TMEM273: variants seen among roughly 807,000 people sequenced by gnomAD.
The protein encoded by TMEM273 is chromosome 10 open reading frame 128.
In TMEM273, 19 loss-of-function variants were observed where a neutral mutation model predicts 17.9. The ratio of observed to expected loss-of-function variants is 1.06; its 90% CI spans 0.74 to 1.55. The LOEUF is 1.55. Ranked by LOEUF, TMEM273 falls within the 40% of genes most tolerant of loss-of-function variation. TMEM273 has a pLI of 0.00. For synonymous variants in TMEM273, 66 were observed against 62.0 expected (o/e 1.07, Z -0.31); for missense variants, 194 against 155.6 (o/e 1.25, Z -1.31).
intron 5 of TMEM273, among the ~76,000 whole-genome samples, chr10:49,162,221 T>C (rs1845888411): frequency 1.3e-5 from 2 of 152,150 alleles, no homozygotes; most frequent in South Asian, 4.1e-4. Flanking sequence ...TGGGTCTGTG[T>C]TGTATTGCTC....
At position 49,165,840 on chromosome 10, in the gene TMEM273, A is replaced by G. The variant is rs1343703013; in HGVS notation, c.239-44T>C. On this transcript the variant is annotated intron_variant, in intron 3 of 6. Coordinates refer to ENST00000374153, the MANE Select transcript of TMEM273 (RefSeq NM_001288740.3). Reference sequence around the variant, plus strand: ...GCATTAGGAAGGGGGTCGTGTGACAAGAGGTGCAGAGCATTCCCTAGAGCT... The same window carrying G: ...GCATTAGGAAGGGGGTCGTGTGACAGGAGGTGCAGAGCATTCCCTAGAGCT... 1.9e-6 allele frequency: 3 copies of G among 1,611,844 alleles called. No individual in the cohort carries two copies. The African/African-American group carries it at 4.0e-5, about 22-fold the overall frequency.
rs74322768 is a variant in TMEM273 at position 49,165,908 on chromosome 10, G to C, written c.239-112C>G. On this transcript the variant is annotated intron_variant, in intron 3 of 6. Transcript: ENST00000374153. ...GGTCCTCTCACTCACGGTTGCCCTC[G>C]AGAGACCCGGGGCCTGGCTGCTATG... The C allele has an allele frequency of 8.6e-3, 11,845 of 1,383,984 alleles. 532 individuals are homozygous for C. The African/African-American group carries it at 0.12, about 14-fold the overall frequency. The allele number at this position is 1,383,984 out of a possible 1,614,324, so 85.7% of individuals were successfully genotyped here. A position where few individuals can be genotyped will look rare whatever the true frequency, so the allele number is the denominator to read the frequency against.
intron 1 of TMEM273, among the ~76,000 whole-genome samples, chr10:49,187,407 C>A (rs1426215636): frequency 6.6e-6 from 1 of 152,352 alleles, no homozygotes; most frequent in Middle Eastern, 3.4e-3. Flanking sequence ...ACCTATTGGT[C>A]TGGAGACACA....
chr10:49,179,354 A>G (rs1221642331), intron 1 of TMEM273, among the ~76,000 whole-genome samples: 2 of 151,938 alleles, frequency 1.3e-5, no homozygotes, highest in Non-Finnish European at 2.9e-5. Context: ...AGGATCAGAG[A>G]CTCCCCAGCA....
At chr10:49,156,584 G>T (rs1176078906) in intron 6 of TMEM273, among the ~76,000 whole-genome samples, 1 of 152,160 alleles carries the variant, frequency 6.6e-6, no homozygotes, top group Non-Finnish European at 1.5e-5. Context: ...TAATAGAATG[G>T]TATATATGCT....
At chr10:49,163,110 C>A (rs1845946217) in intron 5 of TMEM273, among the ~76,000 whole-genome samples, 1 of 152,022 alleles carries the variant, frequency 6.6e-6, no homozygotes, top group Non-Finnish European at 1.5e-5. Flanking sequence ...ACAGAGCTGC[C>A]CGGGGCAAAG....
intron 1 of TMEM273, among the ~76,000 whole-genome samples, chr10:49,173,046 A>T (rs1204193080): frequency 1.3e-5 from 2 of 152,206 alleles, no homozygotes; most frequent in African/African-American, 4.8e-5. Context: ...GAGAAGCAAG[A>T]ATGTCTTCCA....
intron 6 of TMEM273, among the ~76,000 whole-genome samples, chr10:49,158,650 C>A (rs1421767574): frequency 6.6e-6 from 1 of 152,172 alleles, no homozygotes; most frequent in Non-Finnish European, 1.5e-5. Flanking sequence ...ACATGAATAA[C>A]CGCAAATACC....
In TMEM273 at chr10:49,181,788, C is replaced by T. The variant is rs1008406851; in HGVS notation, c.43+6506G>A. On this transcript the variant is annotated intron_variant, in intron 1 of 6. Transcript: ENST00000374153. The stretch of plus-strand genomic sequence containing the variant: ...TTGAGATCTTAGAGTTTGGTGCAAA[C>T]TTCTGAGACATGCTATCAAAAGCAC... 3.3e-5 allele frequency among the ~76,000 whole-genome samples: 5 copies of T among 152,024 alleles called. No individual in the cohort carries two copies. In the East Asian group the frequency reaches 9.6e-4, roughly 29 times the overall value.
chr10:49,161,753 A>T, intron 5 of TMEM273, 131 bp from the exon 6 acceptor site: 1 of 1,063,208 alleles, frequency 9.4e-7, no homozygotes, highest in Non-Finnish European at 1.4e-6. Flanking sequence ...CTCATGACTC[A>T]GCCTGACTCC....
chr10:49,155,573 A>G lies in TMEM273; in HGVS notation c.*319T>C, dbSNP rs1352217791. On this transcript the variant is annotated 3_prime_UTR_variant, in exon 7 of 7. Coordinates refer to ENST00000374153, the MANE Select transcript of TMEM273 (RefSeq NM_001288740.3). ...ATTTTCTGTGGTAGGTTCCACGGAC[A>G]TGGACACCATGGCCTCATGGAAGCA... 2 of 452,270 alleles carry G rather than the reference A, an allele frequency of 4.4e-6. No homozygotes were observed. Among genetic ancestry groups the G allele is most frequent in the Non-Finnish European group, 7.9e-6 (2 of 251,938 alleles). The allele number at this position is 452,270 out of a possible 1,614,324, so 28.0% of individuals were successfully genotyped here.
intron 1 of TMEM273, among the ~76,000 whole-genome samples, chr10:49,185,919 G>A (rs749907581): frequency 7.3e-5 from 11 of 151,306 alleles, no homozygotes; most frequent in Non-Finnish European, 1.0e-4. Flanking sequence ...TGGAGGTTGC[G>A]GTGAGCCGAG....
At chr10:49,166,687 A>G in intron 3 of TMEM273, 182 bp downstream of exon 3, 1 of 801,780 alleles carries the variant, frequency 1.2e-6, no homozygotes, top group South Asian at 1.7e-5. Flanking sequence ...GAGACAGAAG[A>G]AAGAGAAACA....
Position 49,188,385 on chromosome 10 carries a change from G to A in TMEM273, c.-49C>T, listed in dbSNP as rs769403820. On this transcript the variant is annotated 5_prime_UTR_variant, in exon 1 of 7. Coordinates refer to ENST00000374153, the MANE Select transcript of TMEM273 (RefSeq NM_001288740.3). ...TGGCTCCTGGCTGCTGGCAGCGCAG[G>A]CACAATGAGCCATGTGACCCAAGGC... 6 of 1,613,644 alleles carry A rather than the reference G, an allele frequency of 3.7e-6. No homozygotes were observed. The highest frequency in any genetic ancestry group is 2.2e-5 in the South Asian group (2 of 91,000).
At chr10:49,175,363 C>G (rs1846883631) in intron 1 of TMEM273, among the ~76,000 whole-genome samples, 1 of 152,190 alleles carries the variant, frequency 6.6e-6, no homozygotes, top group African/African-American at 2.4e-5. Context: ...TTTCTCCTCG[C>G]CGCACGCCAC....
At chr10:49,157,021 G>T (rs756263878) in intron 6 of TMEM273, among the ~76,000 whole-genome samples, 12 of 152,176 alleles carry the variant, frequency 7.9e-5, no homozygotes, top group Non-Finnish European at 1.5e-4. Context: ...CTGAGCAGAG[G>T]GTTCATCCTT....
chr10:49,157,564 A>T (rs1399488029), intron 6 of TMEM273, among the ~76,000 whole-genome samples: 1 of 152,268 alleles, frequency 6.6e-6, no homozygotes, highest in Non-Finnish European at 1.5e-5. Flanking sequence ...CATTCTGGTT[A>T]GCCCCAGGGT....
chr10:49,168,297 C>T (rs367970546), intron 1 of TMEM273, among the ~76,000 whole-genome samples: 9 of 152,292 alleles, frequency 5.9e-5, no homozygotes, highest in Non-Finnish European at 8.8e-5. Context: ...TAGTTCCCCA[C>T]ACAGCCAGGG....
chr10:49,172,465 C>T (rs1268417941), intron 1 of TMEM273, among the ~76,000 whole-genome samples: 1 of 152,164 alleles, frequency 6.6e-6, no homozygotes, highest in East Asian at 1.9e-4. Flanking sequence ...TGACTAGCAC[C>T]TCAGTTTTCC....
Sources: gnomAD v4.1 joint callset for allele counts (sites outside exome capture counted in the v4.1 genomes callset) on GRCh38, gnomAD v4.1.1 for gene constraint, MANE v1.5 for transcripts, NCBI Gene and HGNC (gene_info 2026-07-23, HGNC 2026-07-21) for gene names.